Variants in IQCJ observed in about 807,000 individuals in gnomAD.
IQCJ encodes IQ motif containing J, also known as IQ domain-containing protein J.
IQCJ carries 9 observed loss-of-function variants against 11.0 expected under a neutral mutation model. The ratio of observed to expected loss-of-function variants is 0.82; its 90% CI spans 0.49 to 1.43. IQCJ has a LOEUF of 1.43. Among genes scored for constraint, IQCJ ranks in the 40% most tolerant of loss-of-function variants. The pLI is 0.00. For missense variants in IQCJ, 146 were observed against 133.2 expected (o/e 1.10, Z -0.47); for synonymous variants, 55 against 51.3 (o/e 1.07, Z -0.31).
chr3:159,217,243 GA>G lies in IQCJ; in HGVS notation c.10-28596del, dbSNP rs200781160. Among the ~76,000 whole-genome samples, 1,058 of 152,230 alleles carry G rather than the reference GA, an allele frequency of 7.0e-3. 7 individuals are homozygous for G. The highest frequency in any genetic ancestry group is 0.024 in the African/African-American group (1,001 of 41,528). On this transcript the variant is annotated intron_variant, in intron 1 of 3. Transcript: ENST00000397832. Reference sequence around the variant, plus strand: ...GTAATTCTAATGACCAATCAGTGTTGAAAACCTTTGTAGAAATTTTGCACTA... The same window carrying G: ...GTAATTCTAATGACCAATCAGTGTTGAAACCTTTGTAGAAATTTTGCACTA...
chr3:159,260,901 C>CT (rs1728165507), intron 3 of IQCJ, among the ~76,000 whole-genome samples: 1 of 152,088 alleles, frequency 6.6e-6, no homozygotes, highest in African/African-American at 2.4e-5. Flanking sequence ...GGCTCCTGGC[C>CT]TTTAAGTAAG....
intron 1 of IQCJ, among the ~76,000 whole-genome samples, chr3:159,174,824 T>C (rs987242605): frequency 2.0e-5 from 3 of 152,178 alleles, no homozygotes; most frequent in Non-Finnish European, 4.4e-5. Flanking sequence ...GTTATTGAGA[T>C]AAATGATAAT....
intron 3 of IQCJ, 128 bp downstream of exon 3, chr3:159,252,935 T>A: frequency 1.1e-6 from 1 of 873,592 alleles, no homozygotes; most frequent in South Asian, 1.8e-5. Flanking sequence ...TATTATTTCC[T>A]CCCTCTTCTA....
intron 1 of IQCJ, among the ~76,000 whole-genome samples, chr3:159,127,125 T>C (rs1023997355): frequency 2.0e-5 from 3 of 152,240 alleles, no homozygotes; most frequent in Admixed American, 6.5e-5. Flanking sequence ...TTCCATGCAG[T>C]TGACAAACAC....
At chr3:159,109,707 T>A (rs1718505369) in intron 1 of IQCJ, among the ~76,000 whole-genome samples, 1 of 152,070 alleles carries the variant, frequency 6.6e-6, no homozygotes, top group African/African-American at 2.4e-5. Flanking sequence ...TTCAAATGCC[T>A]CTGTGTGTGT....
chr3:159,251,145 C>A (rs1222846488), intron 2 of IQCJ, among the ~76,000 whole-genome samples: 1 of 152,116 alleles, frequency 6.6e-6, no homozygotes, highest in Admixed American at 6.5e-5. Flanking sequence ...GCTGACACCA[C>A]CTACTTGTCA....
At chr3:159,135,808 A>G (rs1267747388) in intron 1 of IQCJ, among the ~76,000 whole-genome samples, 4 of 152,132 alleles carry the variant, frequency 2.6e-5, no homozygotes, top group Admixed American at 6.5e-5. Flanking sequence ...GCCACATGTA[A>G]CCTTTAGGCA....
chr3:159,084,913 CT>C lies in IQCJ; in HGVS notation c.9+15482del, dbSNP rs59109822. Among the ~76,000 whole-genome samples the C allele has an allele frequency of 2.6e-3, 381 of 148,998 alleles. 2 individuals are homozygous for C. The highest frequency in any genetic ancestry group is 3.6e-3 in the Non-Finnish European group (241 of 67,090). ...TGTTATCAAGGGGAATGCATAAGTT[CT>C]TTTTTTTTTATTATTATTATACTTT... On this transcript the variant is annotated intron_variant, in intron 1 of 3. Transcript: ENST00000397832.
intron 1 of IQCJ, among the ~76,000 whole-genome samples, chr3:159,137,667 C>T (rs776629114): frequency 2.0e-5 from 3 of 152,134 alleles, no homozygotes; most frequent in African/African-American, 4.8e-5. Flanking sequence ...TGACCATATA[C>T]CTGATCTCTT....
intron 1 of IQCJ, among the ~76,000 whole-genome samples, chr3:159,101,805 T>C (rs905977121): frequency 2.6e-5 from 4 of 152,216 alleles, no homozygotes; most frequent in Admixed American, 2.6e-4. Flanking sequence ...TCATGCTCAG[T>C]TAACATGGTT....
chr3:159,197,106 G>C (rs1324512953), intron 1 of IQCJ, among the ~76,000 whole-genome samples: 1 of 152,040 alleles, frequency 6.6e-6, no homozygotes, highest in East Asian at 1.9e-4. Flanking sequence ...CCACTTGTAT[G>C]TAAGCAGTCT....
At chr3:159,147,279 A>G (rs1002657867) in intron 1 of IQCJ, among the ~76,000 whole-genome samples, 2 of 152,222 alleles carry the variant, frequency 1.3e-5, no homozygotes, top group African/African-American at 2.4e-5. Flanking sequence ...AGATTAAAAT[A>G]CGCATTCAGG....
Position 159,095,513 on chromosome 3 carries a change from C to T in IQCJ, c.9+26072C>T, listed in dbSNP as rs866363947. Among the ~76,000 whole-genome samples, 423 of 113,372 alleles carry T rather than the reference C, an allele frequency of 3.7e-3. 7 individuals carry two copies. Among genetic ancestry groups the T allele is most frequent in the African/African-American group, 0.013 (367 of 28,556 alleles). The allele number at this position is 113,372 out of a possible 152,430, so 74.4% of individuals were successfully genotyped here. A position where few individuals can be genotyped will look rare whatever the true frequency, so the allele number is the denominator to read the frequency against. ...ATATCTCCCAATGCTATCCCTCCCC[C>T]CTCCCCCGACCCCACCACAGTCCCC... is the stretch of plus-strand genomic sequence containing the variant. On this transcript the variant is annotated intron_variant, in intron 1 of 3. Transcript: ENST00000397832.
chr3:159,070,776 A>C (rs1195033954), intron 1 of IQCJ, among the ~76,000 whole-genome samples: 1 of 152,058 alleles, frequency 6.6e-6, no homozygotes, highest in Non-Finnish European at 1.5e-5. Context: ...TTTTAAATGT[A>C]CGTTGGGTAG....
chr3:159,163,418 G>A (rs535800924), intron 1 of IQCJ, among the ~76,000 whole-genome samples: 5 of 152,256 alleles, frequency 3.3e-5, no homozygotes, highest in Admixed American at 6.5e-5. Flanking sequence ...TTGATGGGAC[G>A]TATCTCAAAA....
At chr3:159,142,907 A>G (rs996613402) in intron 1 of IQCJ, among the ~76,000 whole-genome samples, 2 of 152,210 alleles carry the variant, frequency 1.3e-5, no homozygotes, top group African/African-American at 4.8e-5. Flanking sequence ...ATATATATGT[A>G]AGCCTTCAGC....
intron 1 of IQCJ, among the ~76,000 whole-genome samples, chr3:159,202,849 T>C (rs1043851950): frequency 6.6e-6 from 1 of 152,058 alleles, no homozygotes. Context: ...TTGTTTTGGG[T>C]CTGTAGAACA....
intron 1 of IQCJ, among the ~76,000 whole-genome samples, chr3:159,129,385 T>A (rs1178443760): frequency 1.3e-5 from 2 of 152,224 alleles, no homozygotes; most frequent in Admixed American, 6.5e-5. Context: ...CTAAGTAACA[T>A]CTGCAAATCT....
At chr3:159,265,078 A>G (rs1251434710), downstream of IQCJ, 9 of 609,054 alleles carry the variant, frequency 1.5e-5, no homozygotes, top group Admixed American at 2.6e-5. Flanking sequence ...ATATGAAAAT[A>G]TAAGATGTTG....
Sources: allele counts gnomAD v4.1 joint callset (sites outside exome capture counted in the v4.1 genomes callset), GRCh38; gene constraint gnomAD v4.1.1; transcripts MANE v1.5; gene names NCBI Gene and HGNC (gene_info 2026-07-23, HGNC 2026-07-21).